Variants in ABCB10 observed in about 807,000 individuals in gnomAD.
ABCB10 encodes the protein ATP binding cassette subfamily B member 10, also known as ATP-binding cassette sub-family B member 10, mitochondrial.
ABCB10 carries 54 observed loss-of-function variants against 65.4 expected under a neutral mutation model. The ratio of observed to expected loss-of-function variants is 0.83; its 90% CI spans 0.66 to 1.04. The LOEUF (loss-of-function observed/expected upper bound fraction) is 1.04. Ranked by LOEUF, ABCB10 falls within the 50% of genes least tolerant of loss-of-function variation. The probability of loss-of-function intolerance (pLI) is 0.00; values close to 1 mark genes in which losing one functional copy is unlikely to be tolerated. For synonymous variants in ABCB10, 418 were observed against 406.5 expected, an observed-to-expected ratio of 1.03 and a Z score of -0.34; for missense variants, 846 against 976.6, an observed-to-expected ratio of 0.87 and a Z score of 1.78.
intron 8 of ABCB10, among the ~76,000 whole-genome samples, chr1:229,529,928 A>G (rs1328628501): frequency 6.6e-6 from 1 of 152,112 alleles, no homozygotes; most frequent in Non-Finnish European, 1.5e-5. Context: ...AGATACCCGC[A>G]TGGGAGATGA....
At chr1:229,551,744 A>G (rs1468979461) in intron 1 of ABCB10, among the ~76,000 whole-genome samples, 1 of 152,208 alleles carries the variant, frequency 6.6e-6, no homozygotes, top group Non-Finnish European at 1.5e-5. Context: ...AAGGACAGGG[A>G]GTGTGTCTAA....
At chr1:229,544,039 C>T (rs918652237) in intron 3 of ABCB10, among the ~76,000 whole-genome samples, 1 of 152,218 alleles carries the variant, frequency 6.6e-6, no homozygotes, top group Admixed American at 6.5e-5. Flanking sequence ...CCACCCCCCT[C>T]CCTTCACTCT....
chr1:229,548,950 G>A (rs71652391), intron 2 of ABCB10, among the ~76,000 whole-genome samples: 4,022 of 152,076 alleles, frequency 0.026, 87 homozygotes, highest in Middle Eastern at 0.085. Flanking sequence ...CATGAGCCAC[G>A]GCACCCAGCC....
chr1:229,558,408 C>G lies in ABCB10; in HGVS notation c.245G>C (p.Gly82Ala). 1 of 1,201,092 alleles carries G rather than the reference C, an allele frequency of 8.3e-7. No homozygotes were observed. The highest frequency in any genetic ancestry group is 1.0e-6 in the Non-Finnish European group (1 of 970,022). The allele number at this position is 1,201,092 out of a possible 1,614,324, so 74.4% of individuals were successfully genotyped here. A position where few individuals can be genotyped will look rare whatever the true frequency, so the allele number is the denominator to read the frequency against. The change falls in exon 1 of 13, where the codon GGC (glycine) becomes GCC (alanine). Residue 82 changes from glycine to alanine, a missense_variant. Coordinates refer to ENST00000344517, the MANE Select transcript of ABCB10 (RefSeq NM_012089.3). ...CRGGGPGASR[G>A]VLGLARLLGL... ...CAGGAGCCGCGCGAGGCCCAGGACGCCCCGCGAGGCGCCCGGACCCCCGCC... is the reference window on the plus strand; with the variant it reads ...CAGGAGCCGCGCGAGGCCCAGGACGGCCCGCGAGGCGCCCGGACCCCCGCC...
Position 229,525,994 on chromosome 1 carries a change from G to A in ABCB10, c.1848C>T (p.Ile616=), listed in dbSNP as rs186898100. The change falls in exon 10 of 13, where the codon ATC becomes ATT. Residue 616 remains isoleucine (I), a synonymous_variant. Transcript: ENST00000344517. ...VAEVANAVAF[I]RNFPQGFNTV... is the part of the protein sequence containing the mutation. ...TGTTGAACCCTTGGGGGAAATTCCG[G>A]ATGAAGGCCACTGCATTGGCCACTT... is the stretch of plus-strand genomic sequence containing the variant. The A allele has an allele frequency of 2.4e-5, 39 of 1,614,194 alleles. No individual in the cohort carries two copies. The East Asian group carries it at 8.2e-4, about 34-fold the overall frequency.
rs1471440658 is a variant in ABCB10, at chr1:229,542,244, G to C, written c.1049C>G (p.Ala350Gly). Reference protein sequence around the residue: ...TKVTQDSLAQATQLAEERIGN... With the variant: ...TKVTQDSLAQGTQLAEERIGN... ...ACAGGAAGGGGCCTTTACCTGAGTG[G>C]CTTGTGCCAGGGAATCCTGAGTGAC... Residue 350 changes from alanine to glycine, a missense_variant, in exon 4 of 13, where the codon GCC becomes GGC. Ala to Gly is a moderately conservative substitution (Grantham distance 60). This residue lies in a region of ABCB10 where 632 missense variants were observed against 803.2 expected (regional missense o/e 0.79). Coordinates refer to ENST00000344517, the MANE Select transcript of ABCB10 (RefSeq NM_012089.3). The C allele has an allele frequency of 1.2e-6, 2 of 1,613,954 alleles. No homozygotes were observed. The highest frequency in any genetic ancestry group is 1.7e-6 in the Non-Finnish European group (2 of 1,179,954).
intron 3 of ABCB10, among the ~76,000 whole-genome samples, chr1:229,542,829 AC>A (rs1662882743): frequency 6.6e-6 from 1 of 151,930 alleles, no homozygotes; most frequent in Non-Finnish European, 1.5e-5. Context: ...TGGTGAAGTC[AC>A]CAAAAAACCC....
chr1:229,533,312 T>C (rs932823228), intron 6 of ABCB10, among the ~76,000 whole-genome samples: 1 of 151,892 alleles, frequency 6.6e-6, no homozygotes, highest in Non-Finnish European at 1.5e-5. Flanking sequence ...TTAGTAGAGA[T>C]GGGGTTTCAC....
intron 10 of ABCB10, among the ~76,000 whole-genome samples, chr1:229,524,977 C>T (rs1662402003): frequency 6.6e-6 from 1 of 152,058 alleles, no homozygotes; most frequent in Admixed American, 6.5e-5. Context: ...CCTCAGCCTC[C>T]CGAGTAGCTG....
intron 9 of ABCB10, 21 bp from the exon 10 acceptor site, chr1:229,526,137 A>G: frequency 1.9e-6 from 3 of 1,597,664 alleles, no homozygotes; most frequent in Non-Finnish European, 2.6e-6. Context: ...GAAATAAAAC[A>G]TATCACGAAT....
chr1:229,530,343 A>G lies in ABCB10; in HGVS notation c.1501T>C (p.Tyr501His), dbSNP rs576357405. Residue 501 changes from tyrosine to histidine, a missense_variant, in exon 8 of 13, where the codon TAT (tyrosine) becomes CAT (histidine). This residue lies in a region of ABCB10 where 632 missense variants were observed against 803.2 expected (regional missense o/e 0.79). Coordinates refer to ENST00000344517, the MANE Select transcript of ABCB10 (RefSeq NM_012089.3). ...ATGGGCACCTCTGGGCGAGCTGGAT[A>G]GGCAAAATGCACGTTCTTAAACTCC... The part of the protein sequence containing the change: ...ALEFKNVHFA[Y>H]PARPEVPIFQ... 6.2e-7 allele frequency: 1 copy of G among 1,614,254 alleles called. No individual in the cohort carries two copies. The highest frequency in any genetic ancestry group is 1.1e-5 in the South Asian group (1 of 91,082).
chr1:229,531,553 C>T (rs1382300277), intron 7 of ABCB10, 83 bp downstream of exon 7: 1 of 1,378,572 alleles, frequency 7.3e-7, no homozygotes, highest in East Asian at 2.3e-5. Flanking sequence ...ATCCCTCACT[C>T]CCTTGCAGAC....
chr1:229,544,499 G>T (rs963965303), intron 3 of ABCB10, among the ~76,000 whole-genome samples: 4 of 151,508 alleles, frequency 2.6e-5, no homozygotes, highest in Admixed American at 6.6e-5. Context: ...TTAATAAATT[G>T]GCAGTATGCC....
intron 10 of ABCB10, 69 bp from the exon 11 acceptor site, chr1:229,521,704 A>ACCATATAG: frequency 6.5e-7 from 1 of 1,540,660 alleles, no homozygotes. Context: ...TTTATGATAA[A>ACCATATAG]CCATATAGCA....
At chr1:229,535,468 C>A (rs1394476395) in intron 6 of ABCB10, among the ~76,000 whole-genome samples, 2 of 152,062 alleles carry the variant, frequency 1.3e-5, no homozygotes, top group Non-Finnish European at 2.9e-5. Context: ...GTGAAAAGAG[C>A]CAATCAAATG....
At chr1:229,527,122 C>T in intron 9 of ABCB10, 107 bp downstream of exon 9, 1 of 1,073,002 alleles carries the variant, frequency 9.3e-7, no homozygotes. Context: ...ATCCCAAAGA[C>T]TTCCATTCCT....
chr1:229,533,311 A>C (rs562359257), intron 6 of ABCB10, among the ~76,000 whole-genome samples: 69 of 151,924 alleles, frequency 4.5e-4, no homozygotes, highest in Non-Finnish European at 9.3e-4. Flanking sequence ...TTTAGTAGAG[A>C]TGGGGTTTCA....
intron 3 of ABCB10, among the ~76,000 whole-genome samples, chr1:229,543,400 GAC>G (rs1255610971): frequency 6.6e-6 from 1 of 152,146 alleles, no homozygotes; most frequent in Non-Finnish European, 1.5e-5. Flanking sequence ...GCATCTCTTC[GAC>G]AAATTACTAA....
intron 3 of ABCB10, among the ~76,000 whole-genome samples, chr1:229,544,447 A>T (rs1662922611): frequency 6.7e-6 from 1 of 148,808 alleles, no homozygotes; most frequent in Non-Finnish European, 1.5e-5. Flanking sequence ...AAAAAGGAAT[A>T]GCAGAAACAC....
Sources: gnomAD v4.1 joint callset for allele counts (sites outside exome capture counted in the v4.1 genomes callset) on GRCh38, gnomAD v4.1.1 for gene constraint, gnomAD v4.1.1 regional missense constraint, MANE v1.5 for transcripts, NCBI Gene and HGNC (gene_info 2026-07-23, HGNC 2026-07-21) for gene names.